The following CDH4 variants were observed in gnomAD, a reference collection of about 807,000 sequenced individuals.
CDH4 encodes cadherin 4, also known as cadherin-4.
In CDH4, 33 loss-of-function variants were observed where a neutral mutation model predicts 86.0. The ratio of observed to expected loss-of-function variants is 0.38; its 90% confidence interval spans 0.29 to 0.51. The LOEUF (loss-of-function observed/expected upper bound fraction) is 0.51. Ranked by LOEUF, CDH4 falls within the 20% of genes least tolerant of loss-of-function variation. The pLI is 0.86. For synonymous variants in CDH4, 555 were observed against 549.4 expected (o/e 1.01, Z -0.14); for missense variants, 1,114 against 1,307.4 (o/e 0.85, Z 2.28).
intron 4 of CDH4, among the ~76,000 whole-genome samples, chr20:61,809,034 C>T (rs1055109583): frequency 1.3e-5 from 2 of 152,192 alleles, no homozygotes; most frequent in African/African-American, 2.4e-5. Context: ...GAAGGCATCC[C>T]GAGTCCCAGC....
intron 2 of CDH4, among the ~76,000 whole-genome samples, chr20:61,537,579 C>T (rs897387278): frequency 6.6e-6 from 1 of 152,182 alleles, no homozygotes; most frequent in African/African-American, 2.4e-5. Flanking sequence ...AATCGCCCTA[C>T]CCCGGTCTAG....
intron 2 of CDH4, among the ~76,000 whole-genome samples, chr20:61,327,164 A>T (rs768398536): frequency 2.6e-5 from 4 of 152,184 alleles, no homozygotes; most frequent in Non-Finnish European, 5.9e-5. Context: ...TCTTTTATCT[A>T]AAAAAATGTA....
At chr20:61,771,493 G>A (rs557523051) in intron 3 of CDH4, among the ~76,000 whole-genome samples, 15 of 151,800 alleles carry the variant, frequency 9.9e-5, no homozygotes, top group South Asian at 4.2e-4. Flanking sequence ...ATGTGGTGGC[G>A]GTCTCCTGTA....
chr20:61,717,615 G>A (rs2087974535), intron 2 of CDH4: 1 of 152,394 alleles, frequency 6.6e-6, no homozygotes, highest in African/African-American at 2.4e-5. Context: ...AGCCCCCTGA[G>A]TAGCTGGGAT....
chr20:61,762,229 G>A (rs2088642442), intron 3 of CDH4, among the ~76,000 whole-genome samples: 1 of 152,180 alleles, frequency 6.6e-6, no homozygotes, highest in African/African-American at 2.4e-5. Flanking sequence ...ACAGTCACGA[G>A]GCATGTTGGA....
At chr20:61,359,298 C>T (rs552039501) in intron 2 of CDH4, among the ~76,000 whole-genome samples, 1 of 152,178 alleles carries the variant, frequency 6.6e-6, no homozygotes, top group African/African-American at 2.4e-5. Context: ...CGAGGTCACT[C>T]ATTTGTCAGC....
chr20:61,364,894 C>T (rs894765977), intron 2 of CDH4, among the ~76,000 whole-genome samples: 4 of 152,158 alleles, frequency 2.6e-5, no homozygotes, highest in African/African-American at 9.7e-5. Flanking sequence ...TGCAGACCCT[C>T]AGGCCCTCTT....
At chr20:61,583,687 C>T (rs2086449093) in intron 2 of CDH4, among the ~76,000 whole-genome samples, 1 of 152,234 alleles carries the variant, frequency 6.6e-6, no homozygotes, top group Non-Finnish European at 1.5e-5. Flanking sequence ...CCTTCGTTCC[C>T]TCCTCGTTTA....
intron 2 of CDH4, among the ~76,000 whole-genome samples, chr20:61,340,002 A>G (rs1337864344): frequency 6.6e-6 from 1 of 152,246 alleles, no homozygotes; most frequent in Non-Finnish European, 1.5e-5. Context: ...GGTATTACTG[A>G]GTTTAAGATG....
intron 2 of CDH4, among the ~76,000 whole-genome samples, chr20:61,423,460 T>C (rs1209470898): frequency 6.6e-6 from 1 of 152,206 alleles, no homozygotes; most frequent in Non-Finnish European, 1.5e-5. Flanking sequence ...ATTGCAAAAC[T>C]ATCCCAGAGT....
At chr20:61,893,093 T>G in intron 7 of CDH4, among the ~76,000 whole-genome samples, 3 of 135,424 alleles carry the variant, frequency 2.2e-5, no homozygotes, top group Admixed American at 7.7e-5. Flanking sequence ...GGATGCTGGA[T>G]GGGTGGGTGG....
At chr20:61,317,658 G>T (rs1008575698) in intron 2 of CDH4, among the ~76,000 whole-genome samples, 45 of 152,130 alleles carry the variant, frequency 3.0e-4, no homozygotes, top group Non-Finnish European at 5.9e-5. Context: ...ACTGGAGGCT[G>T]GTAGCACCCC....
intron 6 of CDH4, among the ~76,000 whole-genome samples, chr20:61,873,348 G>A (rs981370528): frequency 5.4e-4 from 82 of 152,354 alleles, no homozygotes; most frequent in African/African-American, 1.9e-3. Context: ...GCTCCCTGCA[G>A]GAGTGGAAGC....
At chr20:61,546,121 G>T (rs1228403458) in intron 2 of CDH4, among the ~76,000 whole-genome samples, 64 of 103,646 alleles carry the variant, frequency 6.2e-4, no homozygotes, top group Middle Eastern at 5.3e-3. Context: ...CATGTGTGTG[G>T]GGGTATGTGG....
At chr20:61,444,611 TTC>T (rs1376314032) in intron 2 of CDH4, among the ~76,000 whole-genome samples, 7 of 151,190 alleles carry the variant, frequency 4.6e-5, no homozygotes, top group Admixed American at 1.3e-4. Flanking sequence ...GTATGTGTGT[TTC>T]TCTGTGTGTG....
intron 2 of CDH4, among the ~76,000 whole-genome samples, chr20:61,714,032 T>TG (rs2087923518): frequency 1.5e-5 from 2 of 136,214 alleles, no homozygotes; most frequent in African/African-American, 6.8e-5. Context: ...TTTTATTTTA[T>TG]TTTATTTTAT....
At chr20:61,406,758 C>T (rs1010547398) in intron 2 of CDH4, among the ~76,000 whole-genome samples, 4 of 149,458 alleles carry the variant, frequency 2.7e-5, no homozygotes, top group Admixed American at 6.7e-5. Context: ...ATCTGCTCTG[C>T]CTGGACCACC....
At chr20:61,363,196 C>T (rs1600902776) in intron 2 of CDH4, among the ~76,000 whole-genome samples, 1 of 152,170 alleles carries the variant, frequency 6.6e-6, no homozygotes, top group Non-Finnish European at 1.5e-5. Context: ...CATGTGTGAG[C>T]TGGCCATTTT....
At chr20:61,647,536 TCTC>T (rs2087074951) in intron 2 of CDH4, among the ~76,000 whole-genome samples, 4 of 68,770 alleles carry the variant, frequency 5.8e-5, no homozygotes, top group African/African-American at 1.8e-4. Flanking sequence ...TCTCTCTCCC[TCTC>T]CCTCTCCCTC....
Sources: allele counts gnomAD v4.1 joint callset (sites outside exome capture counted in the v4.1 genomes callset), GRCh38; gene constraint gnomAD v4.1.1; transcripts MANE v1.5; gene names NCBI Gene and HGNC (gene_info 2026-07-23, HGNC 2026-07-21).